Variants in INPP5A observed in about 807,000 individuals in gnomAD.
The protein encoded by INPP5A is inositol polyphosphate-5-phosphatase A.
A neutral mutation model predicts 65.2 loss-of-function variants in INPP5A; 14 were observed. The observed-to-expected ratio is 0.21, with a 90% CI of 0.14 to 0.34. The LOEUF is 0.34. Ranked by LOEUF, INPP5A falls within the 10% of genes least tolerant of loss-of-function variation. INPP5A has a pLI of 1.00. For synonymous variants in INPP5A, 207 were observed against 208.3 expected, an observed-to-expected ratio of 0.99 and a Z score of 0.05; for missense variants, 431 against 545.6, an observed-to-expected ratio of 0.79 and a Z score of 2.09.
intron 9 of INPP5A, among the ~76,000 whole-genome samples, chr10:132,739,408 G>T (rs1004038936): frequency 6.6e-6 from 1 of 152,238 alleles, no homozygotes; most frequent in African/African-American, 2.4e-5. Flanking sequence ...TGGTGGGGGC[G>T]TGCCGACAGA....
intron 8 of INPP5A, among the ~76,000 whole-genome samples, chr10:132,714,659 G>GGCACC (rs1845708590): frequency 6.6e-6 from 1 of 152,144 alleles, no homozygotes; most frequent in African/African-American, 2.4e-5. Flanking sequence ...AAAACCCAGA[G>GGCACC]GCACCGTAGG....
intron 1 of INPP5A, among the ~76,000 whole-genome samples, chr10:132,539,534 C>G (rs929115655): frequency 6.6e-6 from 1 of 152,110 alleles, no homozygotes; most frequent in African/African-American, 2.4e-5. Context: ...CCAGGGCGCA[C>G]TGGGAGCTCC....
intron 6 of INPP5A, among the ~76,000 whole-genome samples, chr10:132,703,763 CCCCCA>C: frequency 1.2e-5 from 1 of 81,458 alleles, no homozygotes; most frequent in Non-Finnish European, 2.4e-5. Context: ...GGCTTCACCC[CCCCCA>C]CACACACACA....
intron 1 of INPP5A, among the ~76,000 whole-genome samples, chr10:132,558,145 G>A (rs2071150810): frequency 6.6e-6 from 1 of 152,210 alleles, no homozygotes; most frequent in South Asian, 2.1e-4. Flanking sequence ...GCAGGTCAGA[G>A]TACCTGGAGG....
At chr10:132,642,051 C>T (rs2072432905) in intron 2 of INPP5A, among the ~76,000 whole-genome samples, 1 of 152,204 alleles carries the variant, frequency 6.6e-6, no homozygotes, top group Admixed American at 6.5e-5. Flanking sequence ...TGGAGAGCAG[C>T]CTGTGACCAC....
chr10:132,547,819 A>T lies in INPP5A; in HGVS notation c.75+9648A>T, dbSNP rs1007507605. ...GAGTCCCAAGCTCCCTTCCTGTCAT[A>T]CTGTGCTTTACCGTGACTGTGGCGT... On this transcript the variant is annotated intron_variant, in intron 1 of 15. Transcript: ENST00000368594. The surrounding 1 kb of genome is among the most constrained non-coding windows in gnomAD (Gnocchi z 5.5). Among the ~76,000 whole-genome samples the T allele has an allele frequency of 6.6e-6, 1 of 151,668 alleles. No individual in the cohort carries two copies. Among genetic ancestry groups the T allele is most frequent in the Non-Finnish European group, 1.5e-5 (1 of 67,936 alleles).
At chr10:132,695,489 T>TA (rs1845331386) in intron 5 of INPP5A, among the ~76,000 whole-genome samples, 1 of 152,174 alleles carries the variant, frequency 6.6e-6, no homozygotes, top group African/African-American at 2.4e-5. Context: ...CTGAAAATCT[T>TA]AGATAATGTA....
rs115148336 is a variant in INPP5A at position 132,561,790 on chromosome 10, C to T, written c.75+23619C>T. 2.0e-3 allele frequency among the ~76,000 whole-genome samples: 305 copies of T among 151,216 alleles called. 3 individuals are homozygous for T. Among genetic ancestry groups the T allele is most frequent in the African/African-American group, 7.2e-3 (296 of 41,128 alleles). On this transcript the variant is annotated intron_variant, in intron 1 of 15. Coordinates refer to ENST00000368594, the MANE Select transcript of INPP5A (RefSeq NM_005539.5). Reference sequence around the variant, plus strand: ...CCTGCTGGAATTTACACACACCACCCTGCTGGAATCTACACACACACAACC... The same window carrying T: ...CCTGCTGGAATTTACACACACCACCTTGCTGGAATCTACACACACACAACC...
chr10:132,540,923 A>T (rs1158395882), intron 1 of INPP5A, among the ~76,000 whole-genome samples: 1 of 152,212 alleles, frequency 6.6e-6, no homozygotes, highest in East Asian at 1.9e-4. Context: ...TTTTGTGCAC[A>T]AGTGATAGGT....
At position 132,644,275 on chromosome 10, in the gene INPP5A, C is replaced by T. The variant is rs939504326; in HGVS notation, c.118-1593C>T. Among the ~76,000 whole-genome samples, 5 of 152,222 alleles carry T rather than the reference C, an allele frequency of 3.3e-5. No homozygotes were observed. Among genetic ancestry groups the T allele is most frequent in the African/African-American group, 7.2e-5 (3 of 41,452 alleles). ...CGGTGCATCCACGCAGAGGCGGCTG[C>T]GAACTCAGGCACGGCCGCCCTTGTC... On this transcript the variant is annotated intron_variant, in intron 2 of 15. Coordinates refer to ENST00000368594, the MANE Select transcript of INPP5A (RefSeq NM_005539.5). The surrounding 1 kb of genome is among the most constrained non-coding windows in gnomAD (Gnocchi z 6.5).
In INPP5A at chr10:132,753,292, G is replaced by A. The variant is rs902949821; in HGVS notation, c.903+3447G>A. Among the ~76,000 whole-genome samples the A allele has an allele frequency of 4.6e-5, 7 of 152,128 alleles. No individual in the cohort carries two copies. Among genetic ancestry groups the A allele is most frequent in the African/African-American group, 7.2e-5 (3 of 41,424 alleles). ...GGAGATAATCCCATCTCCACGGTCC[G>A]GTTAAACACACAGCACCGCAGCCAT... is the stretch of plus-strand genomic sequence containing the variant. On this transcript the variant is annotated intron_variant, in intron 11 of 15. Transcript: ENST00000368594. This position sits in a 1 kb window ranked among gnomAD's most constrained non-coding sequence, Gnocchi z 5.3.
intron 4 of INPP5A, among the ~76,000 whole-genome samples, chr10:132,664,391 G>A (rs946039716): frequency 6.6e-6 from 1 of 152,244 alleles, no homozygotes; most frequent in African/African-American, 2.4e-5. Flanking sequence ...TTAATCCACA[G>A]AATGAATGTG....
chr10:132,591,674 A>G (rs2786887), intron 1 of INPP5A, among the ~76,000 whole-genome samples: 137,219 of 152,222 alleles, frequency 0.9, 61,923 homozygotes, highest in East Asian at 1. Context: ...TGTTAATTTC[A>G]GGACCTCCTG....
chr10:132,725,979 A>C (rs2134579858), intron 8 of INPP5A, among the ~76,000 whole-genome samples: 1 of 152,158 alleles, frequency 6.6e-6, no homozygotes, highest in South Asian at 2.1e-4. Flanking sequence ...AGAAGGGTTG[A>C]GTGCCTTGCC....
chr10:132,745,677 G>A (rs1846357567), intron 9 of INPP5A, among the ~76,000 whole-genome samples: 1 of 147,338 alleles, frequency 6.8e-6, no homozygotes, highest in Non-Finnish European at 1.5e-5. Flanking sequence ...GGCATGGTGG[G>A]CTTCAGGCAT....
At chr10:132,599,204 TC>T (rs1261276618) in intron 1 of INPP5A, among the ~76,000 whole-genome samples, 1 of 152,182 alleles carries the variant, frequency 6.6e-6, no homozygotes, top group African/African-American at 2.4e-5. Flanking sequence ...ACAAGGCAAG[TC>T]CCTTTCATGT....
intron 8 of INPP5A, among the ~76,000 whole-genome samples, chr10:132,718,042 G>A (rs1410534516): frequency 7.5e-5 from 11 of 146,112 alleles, no homozygotes; most frequent in Non-Finnish European, 1.6e-4. Context: ...CGCCTTAGAC[G>A]GCTGTCTTGC....
intron 11 of INPP5A, among the ~76,000 whole-genome samples, chr10:132,750,102 TCCC>T (rs906675315): frequency 6.6e-6 from 1 of 151,998 alleles, no homozygotes. Context: ...GCTTCAGAGA[TCCC>T]CCCGTGTGCG....
chr10:132,671,577 C>T (rs894295214), intron 4 of INPP5A, among the ~76,000 whole-genome samples: 5 of 152,200 alleles, frequency 3.3e-5, no homozygotes, highest in African/African-American at 1.2e-4. Context: ...CCTGTTGATC[C>T]CATCATCAGC....
Sources: gnomAD v4.1 joint callset for allele counts (sites outside exome capture counted in the v4.1 genomes callset) on GRCh38, gnomAD v4.1.1 for gene constraint, Gnocchi (gnomAD v3.1) non-coding constraint, MANE v1.5 for transcripts, NCBI Gene and HGNC (gene_info 2026-07-23, HGNC 2026-07-21) for gene names.